The following EPHA6 variants were observed in gnomAD, a reference collection of about 807,000 sequenced individuals.
EPHA6 encodes the protein ephrin type-A receptor 6.
A neutral mutation model predicts 112.0 loss-of-function variants in EPHA6; 50 were observed. The ratio of observed to expected loss-of-function variants is 0.45; its 90% CI spans 0.36 to 0.56. EPHA6 has a LOEUF of 0.56. Ranked by LOEUF, EPHA6 falls within the 20% of genes least tolerant of loss-of-function variation. EPHA6 has a pLI of 0.00. For missense variants in EPHA6, 1,280 were observed against 1,417.4 expected, an observed-to-expected ratio of 0.90 and a Z score of 1.56; for synonymous variants, 529 against 490.7, an observed-to-expected ratio of 1.08 and a Z score of -1.03.
intron 2 of EPHA6, among the ~76,000 whole-genome samples, chr3:96,913,956 C>A (rs944264788): frequency 1.3e-5 from 2 of 151,984 alleles, no homozygotes; most frequent in Admixed American, 6.6e-5. Flanking sequence ...ATAGATAATT[C>A]AAAAAATAAT....
intron 4 of EPHA6, among the ~76,000 whole-genome samples, chr3:97,233,263 T>A (rs2078583489): frequency 6.7e-6 from 1 of 150,204 alleles, no homozygotes; most frequent in South Asian, 2.1e-4. Flanking sequence ...GTCTGAATCA[T>A]ACTTTGATTA....
chr3:96,836,989 C>T (rs187296559), intron 1 of EPHA6, among the ~76,000 whole-genome samples: 15 of 152,098 alleles, frequency 9.9e-5, no homozygotes, highest in Non-Finnish European at 1.9e-4. Context: ...GTAACTTACC[C>T]GAAAACACTC....
chr3:97,393,454 T>C (rs2086531027), intron 5 of EPHA6, among the ~76,000 whole-genome samples: 1 of 151,756 alleles, frequency 6.6e-6, no homozygotes, highest in South Asian at 2.1e-4. Flanking sequence ...AAAGAGAAAT[T>C]AAAAAGACAC....
At chr3:97,699,029 G>C (rs188792354) in intron 14 of EPHA6, among the ~76,000 whole-genome samples, 1 of 152,322 alleles carries the variant, frequency 6.6e-6, no homozygotes, top group Admixed American at 6.5e-5. Flanking sequence ...TGTGAGAACA[G>C]GATCAAATTC....
intron 14 of EPHA6, among the ~76,000 whole-genome samples, chr3:97,692,368 C>T (rs2032726919): frequency 6.6e-6 from 1 of 152,072 alleles, no homozygotes; most frequent in Non-Finnish European, 1.5e-5. Flanking sequence ...AAACCTTTTG[C>T]AAATAATCAG....
At chr3:97,332,639 T>C (rs2082856918) in intron 5 of EPHA6, among the ~76,000 whole-genome samples, 1 of 152,148 alleles carries the variant, frequency 6.6e-6, no homozygotes, top group African/African-American at 2.4e-5. Flanking sequence ...CATTTTGAAT[T>C]GATATTAGGT....
intron 12 of EPHA6, among the ~76,000 whole-genome samples, chr3:97,598,714 C>T (rs912006721): frequency 1.9e-4 from 28 of 150,928 alleles, no homozygotes; most frequent in African/African-American, 4.4e-4. Context: ...TGAATAATGC[C>T]GCAATAAACA....
intron 2 of EPHA6, among the ~76,000 whole-genome samples, chr3:96,899,364 C>G (rs925987002): frequency 3.9e-5 from 6 of 152,092 alleles, no homozygotes; most frequent in African/African-American, 1.4e-4. Flanking sequence ...ATTACATATG[C>G]AAAGACTTTA....
chr3:97,674,840 G>T (rs1031720204), intron 14 of EPHA6, among the ~76,000 whole-genome samples: 2 of 152,144 alleles, frequency 1.3e-5, no homozygotes, highest in Non-Finnish European at 1.5e-5. Context: ...TGTCTATTTG[G>T]AGGCTGTGGC....
chr3:96,893,954 G>A (rs959599660), intron 2 of EPHA6, among the ~76,000 whole-genome samples: 1 of 152,210 alleles, frequency 6.6e-6, no homozygotes, highest in Non-Finnish European at 1.5e-5. Context: ...TAGATAAGCT[G>A]ATTGTGGAGG....
At chr3:97,519,976 T>A (rs1328118220) in intron 10 of EPHA6, among the ~76,000 whole-genome samples, 1 of 151,358 alleles carries the variant, frequency 6.6e-6, no homozygotes, top group Non-Finnish European at 1.5e-5. Flanking sequence ...AATTTTTTTT[T>A]TTTTTTTTTG....
At chr3:96,816,745 T>C (rs1277958788) in intron 1 of EPHA6, among the ~76,000 whole-genome samples, 3 of 152,048 alleles carry the variant, frequency 2.0e-5, no homozygotes, top group Non-Finnish European at 2.9e-5. Flanking sequence ...AAAACAGATA[T>C]CTGAATCTAC....
chr3:97,340,597 A>G (rs2083258409), intron 5 of EPHA6, among the ~76,000 whole-genome samples: 1 of 152,186 alleles, frequency 6.6e-6, no homozygotes, highest in African/African-American at 2.4e-5. Flanking sequence ...TACCATAACA[A>G]AATACTCCAG....
chr3:96,992,896 T>C (rs969774778), intron 3 of EPHA6, among the ~76,000 whole-genome samples: 20 of 152,184 alleles, frequency 1.3e-4, no homozygotes, highest in African/African-American at 4.6e-4. Context: ...ACAAAGTTAT[T>C]ATCACTCTCC....
intron 3 of EPHA6, among the ~76,000 whole-genome samples, chr3:97,164,099 C>G (rs1239716249): frequency 6.6e-6 from 1 of 152,110 alleles, no homozygotes; most frequent in African/African-American, 2.4e-5. Flanking sequence ...AGGTAACTAG[C>G]CAATCTCATT....
chr3:96,824,588 GGAAACAC>G (rs2033518321), intron 1 of EPHA6, among the ~76,000 whole-genome samples: 1 of 151,926 alleles, frequency 6.6e-6, no homozygotes, highest in Non-Finnish European at 1.5e-5. Flanking sequence ...TTGAGAAACA[GGAAACAC>G]AAAGGCAGGC....
In EPHA6 at chr3:97,590,215, G is replaced by A. The variant is rs548652378; in HGVS notation, c.2387-2397G>A. On this transcript the variant is annotated intron_variant, in intron 11 of 17. Transcript: ENST00000389672. ...TCTATTTTGTTTGTCTGTTTTTTCA[G>A]CTGTGAAAAATGACAGTTCCTTAAG... is the stretch of plus-strand genomic sequence containing the variant. 6.6e-5 allele frequency: 10 copies of A among 152,154 alleles called. No homozygotes were observed. The South Asian group carries it at 2.1e-3, about 32-fold the overall frequency. The allele number at this position is 152,154 out of a possible 1,614,324, so 9.4% of individuals were successfully genotyped here.
intron 14 of EPHA6, among the ~76,000 whole-genome samples, chr3:97,658,737 A>G (rs988173699): frequency 5.3e-5 from 8 of 151,872 alleles, no homozygotes; most frequent in African/African-American, 1.9e-4. Flanking sequence ...AACTACAGTA[A>G]TCTCCAGATC....
At chr3:96,862,070 A>G (rs2036038495) in intron 1 of EPHA6, among the ~76,000 whole-genome samples, 1 of 151,980 alleles carries the variant, frequency 6.6e-6, no homozygotes. Context: ...GATTAATTTG[A>G]TAATCTAAAT....
Sources: allele counts gnomAD v4.1 joint callset (sites outside exome capture counted in the v4.1 genomes callset), GRCh38; gene constraint gnomAD v4.1.1; transcripts MANE v1.5; gene names NCBI Gene and HGNC (gene_info 2026-07-23, HGNC 2026-07-21).